The following TMIGD1 variants were observed in gnomAD, a reference collection of about 807,000 sequenced individuals.
TMIGD1 encodes transmembrane and immunoglobulin domain containing 1, also known as transmembrane and immunoglobulin domain-containing protein 1.
Under a neutral mutation model 27.5 loss-of-function variants are expected in TMIGD1, and 29 were observed. That is an observed-to-expected ratio of 1.05 (90% CI 0.78 to 1.44). The LOEUF (loss-of-function observed/expected upper bound fraction) is 1.44. Ranked by LOEUF, TMIGD1 falls within the 40% of genes most tolerant of loss-of-function variation. The pLI is 0.00. For synonymous variants in TMIGD1, 109 were observed against 110.3 expected (o/e 0.99, Z 0.07); for missense variants, 334 against 310.6 (o/e 1.08, Z -0.57).
chr17:30,325,054 C>T lies in TMIGD1; in HGVS notation c.402G>A (p.Glu134=), dbSNP rs1909733465. ...AAACCAACTTCACATTACTGCCTTC[C>T]TCAACTGTTTGGAAGTCGTTTCCAC... ...LLSGNDFQTV[E]EGSNVKLVCN... is the part of the protein sequence containing the mutation. The change falls in exon 4 of 7, where the codon GAG becomes GAA. Residue 134 remains glutamate (E), a synonymous_variant. Coordinates refer to ENST00000328886, the MANE Select transcript of TMIGD1 (RefSeq NM_206832.3). 1 of 1,613,864 alleles carries T rather than the reference C, an allele frequency of 6.2e-7. No individual in the cohort carries two copies. The highest frequency in any genetic ancestry group is 1.3e-5 in the African/African-American group (1 of 74,910).
chr17:30,327,045 TACAC>T lies in TMIGD1; in HGVS notation c.362-1955_362-1952del, dbSNP rs60346282. On this transcript the variant is annotated intron_variant, in intron 3 of 6. Coordinates refer to ENST00000328886, the MANE Select transcript of TMIGD1 (RefSeq NM_206832.3). ...TTATGGATTACTGAGCAATTAACTA[TACAC>T]ACACACACACACACACACACACACA... Among the ~76,000 whole-genome samples, 1,185 of 146,540 alleles carry T rather than the reference TACAC, an allele frequency of 8.1e-3. 10 individuals carry two copies. Among genetic ancestry groups the T allele is most frequent in the African/African-American group, 0.014 (568 of 39,892 alleles).
chr17:30,317,597 A>G (rs940134074), intron 5 of TMIGD1, among the ~76,000 whole-genome samples: 1 of 151,882 alleles, frequency 6.6e-6, no homozygotes, highest in Non-Finnish European at 1.5e-5. Context: ...TGTCTCTACT[A>G]AAAATACAAA....
At chr17:30,331,868 G>A (rs1311236761) in intron 2 of TMIGD1, among the ~76,000 whole-genome samples, 184 bp downstream of exon 2, 5 of 152,116 alleles carry the variant, frequency 3.3e-5, no homozygotes, top group African/African-American at 7.2e-5. Context: ...GATTACAGGC[G>A]TGAGCCACCC....
At chr17:30,329,129 C>T in intron 3 of TMIGD1, 122 bp downstream of exon 3, 4 of 1,187,142 alleles carry the variant, frequency 3.4e-6, no homozygotes, top group Non-Finnish European at 4.8e-6. Flanking sequence ...TAGGTACTCT[C>T]ATACTTTGTG....
chr17:30,330,085 CA>C (rs34690793), intron 2 of TMIGD1, among the ~76,000 whole-genome samples: 3 of 151,482 alleles, frequency 2.0e-5, no homozygotes, highest in African/African-American at 7.3e-5. Flanking sequence ...ACCTTGCCCC[CA>C]AAAAAAAGTA....
intron 3 of TMIGD1, among the ~76,000 whole-genome samples, chr17:30,328,677 T>G (rs1448079109): frequency 6.6e-6 from 1 of 152,000 alleles, no homozygotes; most frequent in Non-Finnish European, 1.5e-5. Flanking sequence ...GAAAACAGGC[T>G]GGGTGCAGTG....
At chr17:30,328,893 G>T (rs556713300) in intron 3 of TMIGD1, among the ~76,000 whole-genome samples, 6 of 151,310 alleles carry the variant, frequency 4.0e-5, no homozygotes, top group Non-Finnish European at 8.8e-5. Flanking sequence ...GAACCCGGGA[G>T]GTGGAGGTTG....
Position 30,328,588 on chromosome 17 carries a change from G to A in TMIGD1, c.361+663C>T, listed in dbSNP as rs1567851027. Among the ~76,000 whole-genome samples, 5 of 151,976 alleles carry A rather than the reference G, an allele frequency of 3.3e-5. No homozygotes were observed. The South Asian group carries it at 1.0e-3, about 32-fold the overall frequency. On this transcript the variant is annotated intron_variant, in intron 3 of 6. Coordinates refer to ENST00000328886, the MANE Select transcript of TMIGD1 (RefSeq NM_206832.3). ...AAAAAATGAGTTAAGGATACAAGCA[G>A]GCATTTCATGGAAACAAACAAAAAA...
chr17:30,325,174 A>G (rs1208917548), intron 3 of TMIGD1, 80 bp from the exon 4 acceptor site: 2 of 1,442,656 alleles, frequency 1.4e-6, no homozygotes, highest in Non-Finnish European at 1.9e-6. Context: ...CCTTCAATCT[A>G]TCTCATGTGG....
chr17:30,324,230 T>A (rs1909701791), intron 4 of TMIGD1, among the ~76,000 whole-genome samples: 1 of 152,196 alleles, frequency 6.6e-6, no homozygotes, highest in Admixed American at 6.5e-5. Context: ...TCTTTTTGTA[T>A]GAGCAAGAAA....
chr17:30,328,948 A>C (rs952024637), intron 3 of TMIGD1, among the ~76,000 whole-genome samples: 87 of 149,828 alleles, frequency 5.8e-4, no homozygotes, highest in African/African-American at 2.0e-3. Context: ...CAGCCTGGGC[A>C]ACAGAGCGAG....
intron 2 of TMIGD1, 107 bp downstream of exon 2, chr17:30,331,945 G>C: frequency 1.4e-6 from 1 of 717,152 alleles, no homozygotes; most frequent in South Asian, 1.8e-5. Flanking sequence ...TAACTGTGTA[G>C]TCATTCCAAT....
intron 4 of TMIGD1, among the ~76,000 whole-genome samples, chr17:30,321,581 C>T (rs1909622905): frequency 6.6e-6 from 1 of 152,162 alleles, no homozygotes; most frequent in African/African-American, 2.4e-5. Context: ...GTGTAGAAGG[C>T]TCCTCTGCCT....
At position 30,318,826 on chromosome 17, in the gene TMIGD1, C is replaced by T. The variant is rs751190635; in HGVS notation, c.728G>A (p.Arg243Lys). 1 of 1,612,720 alleles carries T rather than the reference C, an allele frequency of 6.2e-7. No homozygotes were observed. The change falls in exon 5 of 7, where the codon AGA becomes AAA. Residue 243 changes from arginine (R) to lysine (K), a missense_variant. By Grantham distance (26) the Arg-to-Lys change is conservative. Coordinates refer to ENST00000328886, the MANE Select transcript of TMIGD1 (RefSeq NM_206832.3). ...LTLCFGLIAR[R>K]KKIMKLCMKD... is the part of the protein sequence containing the mutation. ...CTTAGATACCTTCATTATTTTCTTT[C>T]TTCTAGCAATCAGTCCAAAGCACAA...
chr17:30,325,792 C>T (rs140165349), intron 3 of TMIGD1, among the ~76,000 whole-genome samples: 2 of 152,052 alleles, frequency 1.3e-5, no homozygotes, highest in Non-Finnish European at 2.9e-5. Context: ...AAATAATGTC[C>T]TCCTCCCAGA....
chr17:30,333,010 CACAG>C (rs1192587786), intron 1 of TMIGD1, among the ~76,000 whole-genome samples: 2 of 152,120 alleles, frequency 1.3e-5, no homozygotes, highest in Admixed American at 6.5e-5. Context: ...CCTGAGATCC[CACAG>C]ACAGTAAATG....
At position 30,319,261 on chromosome 17, in the gene TMIGD1, A is replaced by AAT. The variant is rs1175035556; in HGVS notation, c.641-350_641-349dup. ...TGTAAAAAAAAAAGAAAAAAAAAAAAATATATATATATATATAGCTGGGCA... is the reference window on the plus strand; with the variant it reads ...TGTAAAAAAAAAAGAAAAAAAAAAAAATATATATATATATATATAGCTGGGCA... On this transcript the variant is annotated intron_variant, in intron 4 of 6. Transcript: ENST00000328886. Among the ~76,000 whole-genome samples, 123 of 69,022 alleles carry AAT rather than the reference A, an allele frequency of 1.8e-3. 7 individuals carry two copies. Among genetic ancestry groups the AAT allele is most frequent in the South Asian group, 2.1e-3 (5 of 2,362 alleles). 45.3% of individuals were successfully genotyped at this position (69,022 alleles called of 152,430 possible).
chr17:30,323,260 C>T (rs1281519866), intron 4 of TMIGD1, among the ~76,000 whole-genome samples: 2 of 152,322 alleles, frequency 1.3e-5, no homozygotes, highest in East Asian at 3.9e-4. Flanking sequence ...TTTATGGTCT[C>T]ATTTGTAACC....
intron 2 of TMIGD1, 63 bp downstream of exon 2, chr17:30,331,989 T>A (rs1909993391): frequency 7.1e-6 from 8 of 1,118,892 alleles, no homozygotes; most frequent in Non-Finnish European, 1.1e-5. Flanking sequence ...TGCCCATTGA[T>A]CACTTTTCTT....
Sources: gnomAD v4.1 joint callset for allele counts (sites outside exome capture counted in the v4.1 genomes callset) on GRCh38, gnomAD v4.1.1 for gene constraint, MANE v1.5 for transcripts, NCBI Gene and HGNC (gene_info 2026-07-23, HGNC 2026-07-21) for gene names.